The following ZBTB25 variants were observed in gnomAD, a reference collection of about 807,000 sequenced individuals.
ZBTB25 encodes the protein zinc finger and BTB domain containing 25.
In ZBTB25, 20 loss-of-function variants were observed where a neutral mutation model predicts 34.2. The observed-to-expected ratio is 0.58, with a 90% CI of 0.41 to 0.85. ZBTB25 has a LOEUF of 0.85. ZBTB25 is among the 40% of genes least tolerant of loss of function. The pLI is 0.00. For missense variants in ZBTB25, 437 were observed against 521.8 expected, an observed-to-expected ratio of 0.84 and a Z score of 1.58; for synonymous variants, 175 against 186.4, an observed-to-expected ratio of 0.94 and a Z score of 0.50.
intron 2 of ZBTB25, chr14:64,469,901 TAA>T (rs2141004488): frequency 2.4e-6 from 1 of 410,880 alleles, no homozygotes; most frequent in Admixed American, 4.2e-5. Flanking sequence ...GATTGCAGTG[TAA>T]AATGACATAA....
Position 64,490,354 on chromosome 14 carries a change from T to C in ZBTB25, c.173+7A>G, listed in dbSNP as rs1166491598. The C allele has an allele frequency of 6.4e-7, 1 of 1,569,788 alleles. No homozygotes were observed. The highest frequency in any genetic ancestry group is 1.4e-5 in the African/African-American group (1 of 73,094). On this transcript the variant is annotated splice_region_variant and intron_variant, in intron 2 of 2. Transcript: ENST00000608382. ...AAAAATTCTTATTTACAAAAACACA[T>C]CCTTACCTTGTTTGGTGAATAAATA...
chr14:64,474,161 T>C (rs1309900182), downstream of ZBTB25: 4 of 166,822 alleles, frequency 2.4e-5, no homozygotes, highest in Middle Eastern at 3.1e-3. Flanking sequence ...CAGAGGGGAG[T>C]ACACAGAGAG....
chr14:64,498,026 C>T (rs1219822029), intron 1 of ZBTB25, among the ~76,000 whole-genome samples: 1 of 152,118 alleles, frequency 6.6e-6, no homozygotes, highest in South Asian at 2.1e-4. Context: ...TTACTCATGG[C>T]TATAAATACA....
At chr14:64,454,645 G>A (rs2078435578) in intron 2 of ZBTB25, 1 of 1,167,396 alleles carries the variant, frequency 8.6e-7, no homozygotes, top group Non-Finnish European at 1.3e-6. Context: ...AAGAATCCAT[G>A]TAATCACAGG....
In ZBTB25 at chr14:64,485,259, TG is replaced by T. The variant is rs1566595141; in HGVS notation, c.*1663del. ...ATGTGTCAGGAAACGTCCTCAGAAG[TG>T]GAGGGAGCTCAAGAGTTTTGTAAGT... On this transcript the variant is annotated 3_prime_UTR_variant, in exon 3 of 3. Coordinates refer to ENST00000608382, the MANE Select transcript of ZBTB25 (RefSeq NM_006977.5). The T allele has an allele frequency of 1.0e-6, 1 of 985,340 alleles. No individual in the cohort carries two copies. Among genetic ancestry groups the T allele is most frequent in the African/African-American group, 1.7e-5 (1 of 57,254 alleles). 61.0% of individuals were successfully genotyped at this position (985,340 alleles called of 1,614,324 possible).
At chr14:64,501,975 C>T (rs1480777417) in intron 1 of ZBTB25, among the ~76,000 whole-genome samples, 1 of 152,222 alleles carries the variant, frequency 6.6e-6, no homozygotes, top group East Asian at 1.9e-4. Flanking sequence ...TAATGCAAAA[C>T]AGCACTGATT....
chr14:64,465,849 GT>G (rs2078607476), intron 2 of ZBTB25, among the ~76,000 whole-genome samples: 1 of 152,234 alleles, frequency 6.6e-6, no homozygotes, highest in Non-Finnish European at 1.5e-5. Context: ...AGAAGCATGG[GT>G]TGCCGGTGGC....
chr14:64,488,539 G>C (rs770462621), intron 2 of ZBTB25, among the ~76,000 whole-genome samples: 40 of 152,058 alleles, frequency 2.6e-4, no homozygotes, highest in Admixed American at 2.6e-4. Flanking sequence ...AAAGATGAGT[G>C]GATAAACACA....
intron 2 of ZBTB25, among the ~76,000 whole-genome samples, chr14:64,456,226 AT>A (rs1382447584): frequency 2.0e-5 from 3 of 152,304 alleles, no homozygotes; most frequent in South Asian, 2.1e-4. Flanking sequence ...AGACTTTCTC[AT>A]TTAGAACAAA....
intron 1 of ZBTB25, among the ~76,000 whole-genome samples, chr14:64,498,553 C>T (rs978400333): frequency 2.6e-5 from 4 of 152,160 alleles, no homozygotes; most frequent in Admixed American, 6.5e-5. Flanking sequence ...TCAGGCGATC[C>T]GCCTGCCTTG....
chr14:64,453,895 T>C, intron 2 of ZBTB25: 1 of 1,352,918 alleles, frequency 7.4e-7, no homozygotes, highest in East Asian at 2.3e-5. Flanking sequence ...TTTCAACTCT[T>C]TGCAAAGCAG....
At chr14:64,453,864 A>T (rs1314760516) in intron 2 of ZBTB25, 5 of 1,580,356 alleles carry the variant, frequency 3.2e-6, no homozygotes, top group Non-Finnish European at 4.4e-6. Flanking sequence ...CGAAGCAGGT[A>T]GATGTTTGGT....
intron 2 of ZBTB25, among the ~76,000 whole-genome samples, chr14:64,451,374 G>T (rs2078370422): frequency 6.6e-6 from 1 of 152,038 alleles, no homozygotes. Context: ...CCATAAAAAA[G>T]CAGAAGGAAT....
intron 1 of ZBTB25, among the ~76,000 whole-genome samples, chr14:64,498,628 A>T (rs376092700): frequency 2.0e-5 from 3 of 148,118 alleles, no homozygotes; most frequent in African/African-American, 7.5e-5. Flanking sequence ...TTATTTGTTT[A>T]TTTATTTTTA....
At chr14:64,504,786 T>A, upstream of ZBTB25, 1 of 381,668 alleles carries the variant, frequency 2.6e-6, no homozygotes, top group Non-Finnish European at 4.6e-6. Context: ...GCACAGTCCC[T>A]GGCAGAGCCA....
At position 64,486,370 on chromosome 14, in the gene ZBTB25, CTAG is replaced by C; in HGVS notation, c.*550_*552del. On this transcript the variant is annotated 3_prime_UTR_variant, in exon 3 of 3. Transcript: ENST00000608382. ...GCCATGTAGGTAAGATGTTGTGGAG[CTAG>C]TAGTTAAAAAATAAAACTACTCATG... The C allele has an allele frequency of 2.0e-6, 2 of 985,028 alleles. No individual in the cohort carries two copies. The highest frequency in any genetic ancestry group is 2.4e-6 in the Non-Finnish European group (2 of 829,866). The allele number at this position is 985,028 out of a possible 1,614,324, so 61.0% of individuals were successfully genotyped here.
Position 64,481,532 on chromosome 14 carries a change from A to T in ZBTB25, c.*5391T>A, listed in dbSNP as rs1190605918. Reference sequence around the variant, plus strand: ...TAATCTAAGTTTATTTTAAAGTATAAGTTTATATTTGATCCATTCTGACTA... The same window carrying T: ...TAATCTAAGTTTATTTTAAAGTATATGTTTATATTTGATCCATTCTGACTA... On this transcript the variant is annotated 3_prime_UTR_variant, in exon 3 of 3. Coordinates refer to ENST00000608382, the MANE Select transcript of ZBTB25 (RefSeq NM_006977.5). 6.6e-6 allele frequency: 1 copy of T among 152,238 alleles called. No homozygotes were observed. The highest frequency in any genetic ancestry group is 2.4e-5 in the African/African-American group (1 of 41,462). The allele number at this position is 152,238 out of a possible 1,614,324, so 9.4% of individuals were successfully genotyped here.
chr14:64,458,171 G>A (rs771139783), intron 2 of ZBTB25: 23 of 1,456,636 alleles, frequency 1.6e-5, no homozygotes, highest in Non-Finnish European at 2.2e-5. Flanking sequence ...GTGAGCCACT[G>A]TGCCCAGCAT....
chr14:64,470,175 C>T (rs571622249), intron 2 of ZBTB25: 1 of 167,352 alleles, frequency 6.0e-6, no homozygotes, highest in South Asian at 2.1e-4. Context: ...GTAATTGTTA[C>T]ATTCCTAAGC....
Sources: gnomAD v4.1 joint callset for allele counts (sites outside exome capture counted in the v4.1 genomes callset) on GRCh38, gnomAD v4.1.1 for gene constraint, MANE v1.5 for transcripts, NCBI Gene and HGNC (gene_info 2026-07-23, HGNC 2026-07-21) for gene names.